Variants in MYLIP observed in about 807,000 individuals in gnomAD.
MYLIP encodes E3 ubiquitin-protein ligase MYLIP.
A neutral mutation model predicts 45.8 loss-of-function variants in MYLIP; 26 were observed. The ratio of observed to expected loss-of-function variants is 0.57; its 90% CI spans 0.42 to 0.79. The LOEUF (loss-of-function observed/expected upper bound fraction) is 0.79. Among genes scored for constraint, MYLIP ranks in the 30% least tolerant of loss-of-function variants. MYLIP has a pLI of 0.00. For synonymous variants in MYLIP, 213 were observed against 218.1 expected (o/e 0.98, Z 0.21); for missense variants, 494 against 555.6 (o/e 0.89, Z 1.11).
chr6:16,133,759 C>T (rs908985099), intron 2 of MYLIP, among the ~76,000 whole-genome samples: 3 of 152,134 alleles, frequency 2.0e-5, no homozygotes, highest in African/African-American at 4.8e-5. Flanking sequence ...ATTTTGCTCC[C>T]GACTTAGCCA....
chr6:16,163,645 C>A, the MYLIP span: 1 of 152,214 alleles, frequency 6.6e-6, no homozygotes, highest in African/African-American at 2.4e-5. Context: ...CTTCCCATGA[C>A]TTGTTTGTTG....
At chr6:16,142,960 G>A in intron 3 of MYLIP, 60 bp from the exon 4 acceptor site, 2 of 1,516,138 alleles carry the variant, frequency 1.3e-6, no homozygotes, top group Non-Finnish European at 1.8e-6. Context: ...AGACTACATA[G>A]GTTTATCTCT....
At chr6:16,149,143 G>A (rs2113584904), downstream of MYLIP, among the ~76,000 whole-genome samples, 1 of 152,274 alleles carries the variant, frequency 6.6e-6, no homozygotes, top group East Asian at 1.9e-4. Context: ...TTTTGTCTCT[G>A]CGCGGAAGTT....
downstream of MYLIP, among the ~76,000 whole-genome samples, chr6:16,148,725 T>C (rs1194632077): frequency 6.6e-6 from 1 of 152,180 alleles, no homozygotes; most frequent in Non-Finnish European, 1.5e-5. Flanking sequence ...GCCTGGGTCA[T>C]AGCAGTAAGG....
At chr6:16,141,984 C>A (rs552608958) in intron 3 of MYLIP, among the ~76,000 whole-genome samples, 174 bp downstream of exon 3, 10 of 152,272 alleles carry the variant, frequency 6.6e-5, no homozygotes, top group Non-Finnish European at 1.0e-4. Flanking sequence ...ATGTCAAATA[C>A]TGTACCAGAG....
the MYLIP span, among the ~76,000 whole-genome samples, chr6:16,161,872 T>C: frequency 6.6e-6 from 1 of 152,310 alleles, no homozygotes; most frequent in East Asian, 1.9e-4. Flanking sequence ...TCTGATCAAA[T>C]TTTTGTTTTT....
At chr6:16,136,936 C>G (rs1759569343) in intron 2 of MYLIP, among the ~76,000 whole-genome samples, 1 of 152,174 alleles carries the variant, frequency 6.6e-6, no homozygotes. Context: ...AGATACCAGT[C>G]CTTTGTCAGA....
At chr6:16,154,262 C>T in the MYLIP span, among the ~76,000 whole-genome samples, 2 of 152,176 alleles carry the variant, frequency 1.3e-5, no homozygotes, top group Non-Finnish European at 2.9e-5. Flanking sequence ...TGCCATCTTT[C>T]TCCTTTTAAG....
At chr6:16,156,944 C>A in the MYLIP span, among the ~76,000 whole-genome samples, 76 of 152,344 alleles carry the variant, frequency 5.0e-4, no homozygotes, top group South Asian at 7.7e-3. Context: ...ACTCCCTGTG[C>A]AAAACACTCA....
intron 2 of MYLIP, among the ~76,000 whole-genome samples, chr6:16,132,607 C>G (rs1482117761): frequency 6.6e-6 from 1 of 152,122 alleles, no homozygotes; most frequent in East Asian, 1.9e-4. Flanking sequence ...AAATACATAA[C>G]TGACACTTAA....
chr6:16,139,369 C>A (rs1188723911), intron 2 of MYLIP, among the ~76,000 whole-genome samples: 1 of 146,298 alleles, frequency 6.8e-6, no homozygotes, highest in Admixed American at 6.9e-5. Flanking sequence ...GCCTGGGCGA[C>A]AGAGCAAGAC....
intron 5 of MYLIP, among the ~76,000 whole-genome samples, 164 bp downstream of exon 5, chr6:16,144,027 A>G (rs189866709): frequency 2.0e-5 from 3 of 152,052 alleles, no homozygotes; most frequent in Admixed American, 2.0e-4. Context: ...GTCCTTATTA[A>G]TGTAGTCTTG....
chr6:16,146,635 C>T (rs1381844498), intron 6 of MYLIP, 27 bp from the exon 7 acceptor site: 1 of 1,589,944 alleles, frequency 6.3e-7, no homozygotes, highest in Non-Finnish European at 8.6e-7. Context: ...TGCATGCTAA[C>T]AGAGACTGTT....
In MYLIP at chr6:16,130,453, T is replaced by C. The variant is rs78823578; in HGVS notation, c.88-104T>C. 8.7e-4 allele frequency: 1,034 copies of C among 1,182,338 alleles called. 22 individuals are homozygous for C. In the East Asian group the frequency reaches 0.023, roughly 26 times the overall value. 73.2% of individuals were successfully genotyped at this position (1,182,338 alleles called of 1,614,324 possible). On this transcript the variant is annotated intron_variant, in intron 1 of 6. Transcript: ENST00000356840. Reference sequence around the variant, plus strand: ...GTTTAGATCAGGAATTGTAACACCATTGAACTTTGTAAAAAGCACCAGCAA... The same window carrying C: ...GTTTAGATCAGGAATTGTAACACCACTGAACTTTGTAAAAAGCACCAGCAA...
the MYLIP span, among the ~76,000 whole-genome samples, chr6:16,162,248 C>T: frequency 3.3e-5 from 5 of 152,222 alleles, no homozygotes; most frequent in South Asian, 6.2e-4. Context: ...TTAATAAATT[C>T]GTACTGTTTT....
chr6:16,152,315 G>A (rs1303311099), downstream of MYLIP, among the ~76,000 whole-genome samples: 1 of 152,208 alleles, frequency 6.6e-6, no homozygotes, highest in Admixed American at 6.5e-5. Context: ...AATTCAGCAA[G>A]TGCACATTAC....
chr6:16,158,524 T>C, the MYLIP span, among the ~76,000 whole-genome samples: 1 of 152,200 alleles, frequency 6.6e-6, no homozygotes, highest in Admixed American at 6.5e-5. Context: ...ATCTATACAG[T>C]ATATTCAAGG....
chr6:16,138,649 G>A (rs904801571), intron 2 of MYLIP, among the ~76,000 whole-genome samples: 2 of 152,152 alleles, frequency 1.3e-5, no homozygotes, highest in South Asian at 2.1e-4. Context: ...ATCTAAAAAG[G>A]AACTCTCAGA....
In MYLIP at chr6:16,141,726, A is replaced by G. The variant is rs772572152; in HGVS notation, c.380A>G (p.Lys127Arg). 3 of 1,614,150 alleles carry G rather than the reference A, an allele frequency of 1.9e-6. No individual in the cohort carries two copies. In the East Asian group the frequency reaches 6.7e-5, roughly 36 times the overall value. Residue 127 changes from lysine to arginine, a missense_variant, in exon 3 of 7, where the codon AAG becomes AGG. Transcript: ENST00000356840. ...VELSALLAQT[K>R]FGDYNQNTAK... ...CTCAGTGCCCTCCTGGCCCAGACCAAGTTTGGAGACTACAACCAGAACACT... is the reference window on the plus strand; with the variant it reads ...CTCAGTGCCCTCCTGGCCCAGACCAGGTTTGGAGACTACAACCAGAACACT...
Sources: allele counts gnomAD v4.1 joint callset (sites outside exome capture counted in the v4.1 genomes callset), GRCh38; gene constraint gnomAD v4.1.1; transcripts MANE v1.5; gene names NCBI Gene and HGNC (gene_info 2026-07-23, HGNC 2026-07-21).